The following FBN2 variants were observed in gnomAD, a reference collection of about 807,000 sequenced individuals.
FBN2 encodes fibrillin 2, also known as fibrillin-2.
FBN2 carries 105 observed loss-of-function variants against 355.6 expected under a neutral mutation model. That is an observed-to-expected ratio of 0.30 (90% CI 0.25 to 0.35). The LOEUF (loss-of-function observed/expected upper bound fraction) is 0.35. Ranked by LOEUF, FBN2 falls within the 10% of genes least tolerant of loss-of-function variation. The probability of loss-of-function intolerance (pLI) is 1.00; values close to 1 mark genes in which losing one functional copy is unlikely to be tolerated. For synonymous variants in FBN2, 1,350 were observed against 1,301.2 expected (o/e 1.04, Z -0.81); for missense variants, 3,280 against 3,758.7 (o/e 0.87, Z 3.33).
chr5:128,487,432 T>C (rs1489353953), intron 5 of FBN2, among the ~76,000 whole-genome samples: 2 of 152,216 alleles, frequency 1.3e-5, no homozygotes, highest in African/African-American at 4.8e-5. Flanking sequence ...AAAGGGTCTC[T>C]CTTTAGAGTG....
chr5:128,483,144 ACAC>A (rs1755241897), intron 5 of FBN2, among the ~76,000 whole-genome samples: 1 of 152,130 alleles, frequency 6.6e-6, no homozygotes, highest in South Asian at 2.1e-4. Flanking sequence ...GGAACAATAG[ACAC>A]CAGGGACTAA....
At chr5:128,282,451 AT>A (rs955405551) in intron 55 of FBN2, among the ~76,000 whole-genome samples, 6 of 151,674 alleles carry the variant, frequency 4.0e-5, no homozygotes, top group African/African-American at 1.5e-4. Flanking sequence ...TGTCTGAATT[AT>A]TTTTTTTCAA....
intron 61 of FBN2, among the ~76,000 whole-genome samples, chr5:128,273,102 A>G (rs1765306817): frequency 1.3e-5 from 2 of 152,218 alleles, no homozygotes; most frequent in South Asian, 4.1e-4. Flanking sequence ...CAAGAAAACT[A>G]TAAATTGCAA....
chr5:128,384,988 G>C (rs183072214), intron 11 of FBN2, among the ~76,000 whole-genome samples: 27 of 152,100 alleles, frequency 1.8e-4, no homozygotes, highest in Non-Finnish European at 4.4e-5. Flanking sequence ...GGGTTCTTTG[G>C]CTATCCCTCA....
chr5:128,393,236 C>T lies in FBN2; in HGVS notation c.1364G>A (p.Gly455Glu), dbSNP rs202050578. The T allele has an allele frequency of 1.2e-6, 2 of 1,614,162 alleles. No individual in the cohort carries two copies. The highest frequency in any genetic ancestry group is 4.5e-5 in the East Asian group (2 of 44,862). Residue 455 changes from glycine to glutamate, a missense_variant, in exon 10 of 65, where the codon GGG becomes GAG. This residue lies in a region of FBN2 where 343 missense variants were observed against 331.0 expected (regional missense o/e 1.04). Transcript: ENST00000262464. ...SGNGNGYGPG[G>E]TGFIPIPGGN... Reference sequence around the variant, plus strand: ...TCCAGGGATGGGGATGAAGCCTGTCCCTCCTGGGCCATAGCCATTGCCATT... The same window carrying T: ...TCCAGGGATGGGGATGAAGCCTGTCTCTCCTGGGCCATAGCCATTGCCATT...
intron 25 of FBN2, 68 bp downstream of exon 25, chr5:128,344,317 A>G: frequency 4.7e-6 from 7 of 1,495,720 alleles, no homozygotes; most frequent in Non-Finnish European, 6.5e-6. Flanking sequence ...TTTTTAGGGC[A>G]GTCCTTTCAA....
chr5:128,310,394 ATATATATATTTTTTTTTTTT>A (rs1393546149), intron 39 of FBN2, among the ~76,000 whole-genome samples: 408 of 20,360 alleles, frequency 0.02, 4 homozygotes, highest in African/African-American at 0.034. Context: ...ATATATATAT[ATATATATATTTTTTTTTTTT>A]TTTTTTTATT....
chr5:128,433,024 G>A (rs1361162588), intron 7 of FBN2, among the ~76,000 whole-genome samples: 1 of 152,082 alleles, frequency 6.6e-6, no homozygotes, highest in Non-Finnish European at 1.5e-5. Flanking sequence ...CAGCAGTGGG[G>A]AAACCACCCC....
intron 34 of FBN2, 77 bp from the exon 35 acceptor site, chr5:128,319,078 C>T: frequency 8.6e-7 from 1 of 1,156,978 alleles, no homozygotes; most frequent in Non-Finnish European, 1.3e-6. Context: ...AACATTAGCG[C>T]ATTTTTCTGC....
At chr5:128,377,710 T>C in intron 13 of FBN2, 42 bp downstream of exon 13, 1 of 1,603,122 alleles carries the variant, frequency 6.2e-7, no homozygotes, top group Non-Finnish European at 8.5e-7. Context: ...AAAATGTATA[T>C]CCTTTTAAAA....
intron 4 of FBN2, among the ~76,000 whole-genome samples, chr5:128,523,579 G>A (rs1199342393): frequency 6.6e-6 from 1 of 152,018 alleles, no homozygotes; most frequent in Non-Finnish European, 1.5e-5. Flanking sequence ...TAAGATCAGA[G>A]TTCATAGATC....
intron 7 of FBN2, among the ~76,000 whole-genome samples, chr5:128,427,781 G>A (rs189095274): frequency 3.3e-5 from 5 of 152,206 alleles, no homozygotes; most frequent in East Asian, 1.9e-4. Flanking sequence ...TGGAGAGTCC[G>A]GGTCTGAAGC....
chr5:128,459,611 T>C (rs1187912318), intron 6 of FBN2, among the ~76,000 whole-genome samples: 2 of 152,206 alleles, frequency 1.3e-5, no homozygotes, highest in Non-Finnish European at 2.9e-5. Context: ...TCCACCACCA[T>C]CAAGTCAGCT....
At chr5:128,291,464 G>C in intron 49 of FBN2, 65 bp downstream of exon 49, 1 of 1,573,086 alleles carries the variant, frequency 6.4e-7, no homozygotes, top group Non-Finnish European at 8.7e-7. Context: ...CAGCATGATG[G>C]TTTACAATTC....
chr5:128,518,445 C>T (rs1041822947), intron 5 of FBN2, among the ~76,000 whole-genome samples: 10 of 152,126 alleles, frequency 6.6e-5, no homozygotes, highest in Non-Finnish European at 1.5e-4. Context: ...CAAAAGGAAG[C>T]TCTACTGGCT....
chr5:128,312,154 AT>A (rs2126847059), intron 37 of FBN2, among the ~76,000 whole-genome samples: 1 of 152,346 alleles, frequency 6.6e-6, no homozygotes, highest in East Asian at 1.9e-4. Flanking sequence ...ACACAGTAGA[AT>A]AACACGAACC....
chr5:128,432,928 G>A (rs1390993504), intron 7 of FBN2, among the ~76,000 whole-genome samples: 1 of 151,890 alleles, frequency 6.6e-6, no homozygotes, highest in Admixed American at 6.6e-5. Context: ...GGCAGCAGGA[G>A]AGTAAGCCTG....
At chr5:128,303,211 A>G in intron 45 of FBN2, 122 bp from the exon 46 acceptor site, 7 of 690,698 alleles carry the variant, frequency 1.0e-5, no homozygotes, top group Non-Finnish European at 1.6e-5. Context: ...CTAGAAACTC[A>G]TATCTACTTG....
At chr5:128,421,021 AG>A (rs140819767) in intron 7 of FBN2, among the ~76,000 whole-genome samples, 1,858 of 152,312 alleles carry the variant, frequency 0.012, 15 homozygotes, top group Non-Finnish European at 0.02. Context: ...AGGAGGGAGG[AG>A]TTCTTCCAGA....
Sources: gnomAD v4.1 joint callset for allele counts (sites outside exome capture counted in the v4.1 genomes callset) on GRCh38, gnomAD v4.1.1 for gene constraint, gnomAD v4.1.1 regional missense constraint, MANE v1.5 for transcripts, NCBI Gene and HGNC (gene_info 2026-07-23, HGNC 2026-07-21) for gene names.